CFAP210: variants seen among roughly 807,000 people sequenced by gnomAD.
CFAP210 encodes the protein cilia- and flagella- associated protein 210.
At chr2:169,691,576 C>A in the CFAP210 span, among the ~76,000 whole-genome samples, 1 of 152,128 alleles carries the variant, frequency 6.6e-6, no homozygotes, top group African/African-American at 2.4e-5. Context: ...ACAAAATGGC[C>A]AGACTTCCAC....
the CFAP210 span, among the ~76,000 whole-genome samples, chr2:169,649,947 T>C: frequency 3.9e-5 from 6 of 151,992 alleles, no homozygotes; most frequent in African/African-American, 1.5e-4. Flanking sequence ...TGCTCCAATG[T>C]GTATAAACTA....
At chr2:169,686,758 AATACTGTC>A in the CFAP210 span, among the ~76,000 whole-genome samples, 1 of 152,202 alleles carries the variant, frequency 6.6e-6, no homozygotes, top group African/African-American at 2.4e-5. Flanking sequence ...CCCACCTCTC[AATACTGTC>A]ATTTTGGGAA....
chr2:169,646,040 TTTG>T, the CFAP210 span: 285 of 1,613,836 alleles, frequency 1.8e-4, no homozygotes, highest in Non-Finnish European at 2.3e-4. Context: ...AATATATTTA[TTTG>T]TTGTTTCCGA....
the CFAP210 span, among the ~76,000 whole-genome samples, chr2:169,693,657 T>C: frequency 1.3e-5 from 2 of 152,254 alleles, no homozygotes; most frequent in Non-Finnish European, 1.5e-5. Flanking sequence ...CTATTTCTAT[T>C]CCAAAATCAA....
chr2:169,661,818 T>C, the CFAP210 span, among the ~76,000 whole-genome samples: 6 of 152,206 alleles, frequency 3.9e-5, no homozygotes, highest in Non-Finnish European at 7.3e-5. Context: ...TTTTTAAATA[T>C]TAAAAGTTAG....
chr2:169,674,161 C>T, the CFAP210 span, among the ~76,000 whole-genome samples: 3 of 152,118 alleles, frequency 2.0e-5, no homozygotes, highest in Non-Finnish European at 2.9e-5. Flanking sequence ...CTATCAATAC[C>T]ATGTGAAAAG....
the CFAP210 span, among the ~76,000 whole-genome samples, chr2:169,649,918 G>A: frequency 8.2e-6 from 1 of 121,306 alleles, no homozygotes; most frequent in Non-Finnish European, 1.7e-5. Context: ...GCAAAACTCT[G>A]TCTCAAAAAA....
the CFAP210 span, among the ~76,000 whole-genome samples, chr2:169,676,322 T>G: frequency 1.3e-5 from 2 of 151,234 alleles, no homozygotes; most frequent in Non-Finnish European, 2.9e-5. Flanking sequence ...TCATCTTTAA[T>G]ACCAATGGAG....
chr2:169,674,760 G>A, the CFAP210 span: 2 of 1,569,664 alleles, frequency 1.3e-6, no homozygotes, highest in Non-Finnish European at 1.7e-6. Context: ...CTACTAAGAA[G>A]AAGTCCCGAC....
the CFAP210 span, among the ~76,000 whole-genome samples, chr2:169,656,015 T>A: frequency 6.6e-6 from 1 of 152,192 alleles, no homozygotes; most frequent in Admixed American, 6.5e-5. Context: ...TTCAGCCAGG[T>A]GTAACAAAAT....
chr2:169,663,963 C>T, the CFAP210 span, among the ~76,000 whole-genome samples: 15,066 of 148,688 alleles, frequency 0.1, 949 homozygotes, highest in Middle Eastern at 0.19. Context: ...CCAAGGCGGG[C>T]GGATCACCTG....
the CFAP210 span, chr2:169,650,567 C>T: frequency 2.9e-6 from 4 of 1,376,862 alleles, no homozygotes; most frequent in South Asian, 4.0e-5. Flanking sequence ...GAACACATGT[C>T]CAATGGAGCC....
the CFAP210 span, among the ~76,000 whole-genome samples, chr2:169,668,439 G>T: frequency 6.6e-6 from 1 of 152,146 alleles, no homozygotes; most frequent in Non-Finnish European, 1.5e-5. Context: ...TTTCCTTCAA[G>T]AACTTTTCCT....
the CFAP210 span, among the ~76,000 whole-genome samples, chr2:169,657,975 G>A: frequency 4.0e-5 from 6 of 151,880 alleles, no homozygotes; most frequent in African/African-American, 1.5e-4. Context: ...AAATAAAAAT[G>A]AGTAAAAAAT....
the CFAP210 span, among the ~76,000 whole-genome samples, chr2:169,656,325 A>G: frequency 2.3e-4 from 34 of 151,060 alleles, no homozygotes; most frequent in Non-Finnish European, 4.3e-4. Flanking sequence ...GAAGAAGAAG[A>G]AGGAGGAGAA....
At chr2:169,670,237 A>C in the CFAP210 span, among the ~76,000 whole-genome samples, 3 of 152,120 alleles carry the variant, frequency 2.0e-5, no homozygotes, top group African/African-American at 7.2e-5. Context: ...AATTATGTGT[A>C]AGATTCCTGG....
At chr2:169,672,722 C>T in the CFAP210 span, among the ~76,000 whole-genome samples, 2 of 152,266 alleles carry the variant, frequency 1.3e-5, no homozygotes, top group Admixed American at 6.5e-5. Flanking sequence ...TGCCGGCAGC[C>T]GACTGGATGG....
the CFAP210 span, among the ~76,000 whole-genome samples, chr2:169,672,640 A>C: frequency 6.6e-6 from 1 of 152,208 alleles, no homozygotes; most frequent in Non-Finnish European, 1.5e-5. Flanking sequence ...ATCTGGCACC[A>C]ATAGATAAGG....
At chr2:169,663,793 T>TAA in the CFAP210 span, among the ~76,000 whole-genome samples, 149 of 142,970 alleles carry the variant, frequency 1.0e-3, no homozygotes, top group African/African-American at 2.8e-3. Context: ...CTAAAAATAA[T>TAA]AATAAAAAAA....
Sources: gnomAD v4.1 joint callset for allele counts (sites outside exome capture counted in the v4.1 genomes callset) on GRCh38, gnomAD v4.1.1 for gene constraint, MANE v1.5 for transcripts, NCBI Gene and HGNC (gene_info 2026-07-23, HGNC 2026-07-21) for gene names.